GLYR1: variants seen among roughly 807,000 people sequenced by gnomAD.
GLYR1 encodes the protein glyoxylate reductase 1 homolog.
Under a neutral mutation model 72.7 loss-of-function variants are expected in GLYR1, and 21 were observed. The ratio of observed to expected loss-of-function variants is 0.29; its 90% CI spans 0.20 to 0.42. GLYR1 has a LOEUF of 0.42. Ranked by LOEUF, GLYR1 falls within the 10% of genes least tolerant of loss-of-function variation. The probability of loss-of-function intolerance (pLI) is 1.00; values close to 1 mark genes in which losing one functional copy is unlikely to be tolerated. For missense variants in GLYR1, 594 were observed against 712.1 expected (o/e 0.83, Z 1.89); for synonymous variants, 392 against 270.2 (o/e 1.45, Z -4.42).
At chr16:4,834,453 C>T (rs995663705) in intron 3 of GLYR1, among the ~76,000 whole-genome samples, 1 of 151,816 alleles carries the variant, frequency 6.6e-6, no homozygotes, top group Non-Finnish European at 1.5e-5. Context: ...CGTGAGCCAC[C>T]ACACCTGGCC....
chr16:4,823,799 T>G, intron 6 of GLYR1, 22 bp downstream of exon 6: 1 of 1,599,612 alleles, frequency 6.3e-7, no homozygotes, highest in East Asian at 2.2e-5. Context: ...CAGCTTGTCC[T>G]GCCTGCAGGA....
Position 4,804,764 on chromosome 16 carries a change from G to T in GLYR1, c.*472C>A, listed in dbSNP as rs1223260473. Reference sequence around the variant, plus strand: ...TCTCCTTGTAGGGAATCCAGTGGGGGATGGGGACATGACTACAGCCTCTTC... The same window carrying T: ...TCTCCTTGTAGGGAATCCAGTGGGGTATGGGGACATGACTACAGCCTCTTC... On this transcript the variant is annotated 3_prime_UTR_variant, in exon 16 of 16. Coordinates refer to ENST00000321919, the MANE Select transcript of GLYR1 (RefSeq NM_032569.4). 2 of 185,508 alleles carry T rather than the reference G, an allele frequency of 1.1e-5. No individual in the cohort carries two copies. Among genetic ancestry groups the T allele is most frequent in the African/African-American group, 2.3e-5 (1 of 43,274 alleles). 11.5% of individuals were successfully genotyped at this position (185,508 alleles called of 1,614,324 possible).
At chr16:4,820,858 G>A (rs529067042) in intron 9 of GLYR1, among the ~76,000 whole-genome samples, 3 of 152,310 alleles carry the variant, frequency 2.0e-5, no homozygotes, top group South Asian at 2.1e-4. Flanking sequence ...CACCCACACC[G>A]GGCAGGGTGC....
chr16:4,830,507 C>T (rs1445170586), intron 5 of GLYR1, among the ~76,000 whole-genome samples: 2 of 152,192 alleles, frequency 1.3e-5, no homozygotes, highest in African/African-American at 4.8e-5. Context: ...GCCTGGCACC[C>T]GTGCCACTGC....
chr16:4,847,102 C>A (rs111601308), intron 1 of GLYR1, 126 bp downstream of exon 1: 4 of 910,408 alleles, frequency 4.4e-6, no homozygotes, highest in Non-Finnish European at 6.8e-6. Flanking sequence ...AGCGCCGGCA[C>A]CTTCTCTTCC....
rs116127586 is a variant in GLYR1, at chr16:4,807,236, G to A, written c.1588-1926C>T. ...AAGTGATTCTCCTGTCCCAGCCTCCGGAGTAGCTGGCATTAATAGTGCCCG... is the reference window on the plus strand; with the variant it reads ...AAGTGATTCTCCTGTCCCAGCCTCCAGAGTAGCTGGCATTAATAGTGCCCG... On this transcript the variant is annotated intron_variant, in intron 15 of 15. Coordinates refer to ENST00000321919, the MANE Select transcript of GLYR1 (RefSeq NM_032569.4). 8.3e-3 allele frequency among the ~76,000 whole-genome samples: 1,252 copies of A among 150,168 alleles called. 14 individuals carry two copies. The highest frequency in any genetic ancestry group is 0.029 in the African/African-American group (1,169 of 40,718).
chr16:4,829,948 C>T (rs979783787), intron 5 of GLYR1, among the ~76,000 whole-genome samples: 19 of 152,084 alleles, frequency 1.2e-4, no homozygotes, highest in African/African-American at 4.3e-4. Context: ...GCTGGGATTA[C>T]AGGTGTGAGC....
chr16:4,843,795 T>C (rs2085736317), intron 3 of GLYR1: 1 of 367,842 alleles, frequency 2.7e-6, no homozygotes, highest in Non-Finnish European at 4.1e-6. Flanking sequence ...GAAATACAAC[T>C]ACTTAAAGAA....
rs2084973480 is a variant in GLYR1 at position 4,834,187 on chromosome 16, G to A, written c.156-1275C>T. Among the ~76,000 whole-genome samples the A allele has an allele frequency of 3.3e-5, 5 of 152,250 alleles. No homozygotes were observed. In the South Asian group the frequency reaches 1.0e-3, roughly 32 times the overall value. ...GGGATCATCGGCCTGCAGATGTCAG[G>A]CAGCGAACCACTATCAGGCATGCCA... On this transcript the variant is annotated intron_variant, in intron 3 of 15. Coordinates refer to ENST00000321919, the MANE Select transcript of GLYR1 (RefSeq NM_032569.4).
At chr16:4,833,848 T>C (rs2084950715) in intron 3 of GLYR1, among the ~76,000 whole-genome samples, 1 of 152,214 alleles carries the variant, frequency 6.6e-6, no homozygotes, top group Non-Finnish European at 1.5e-5. Context: ...CTGAATGGCA[T>C]GCAGCTTATA....
chr16:4,813,597 G>T lies in GLYR1; in HGVS notation c.1119+140C>A, dbSNP rs781636215. ...GGTTTGAAGGTGGAGCACGGGATAG[G>T]CTAGTCCCAAGGCTACTCGCCTCTC... On this transcript the variant is annotated intron_variant, in intron 12 of 15. Transcript: ENST00000321919. 17 of 726,006 alleles carry T rather than the reference G, an allele frequency of 2.3e-5. No individual in the cohort carries two copies. The Middle Eastern group carries it at 1.1e-3, about 46-fold the overall frequency. 45.0% of individuals were successfully genotyped at this position (726,006 alleles called of 1,614,324 possible). A position where few individuals can be genotyped will look rare whatever the true frequency, so the allele number is the denominator to read the frequency against.
chr16:4,847,189 C>G, intron 1 of GLYR1, 39 bp downstream of exon 1: 1 of 1,575,632 alleles, frequency 6.3e-7, no homozygotes, highest in Non-Finnish European at 8.6e-7. Context: ...GCGGGTAGCT[C>G]CCCGGCGCGT....
intron 9 of GLYR1, chr16:4,821,143 T>G: frequency 3.5e-6 from 2 of 577,576 alleles, no homozygotes; most frequent in Non-Finnish European, 6.2e-6. Flanking sequence ...TGCTCCTTGC[T>G]CTTGAGTTCT....
At chr16:4,821,252 C>A in intron 9 of GLYR1, 128 bp downstream of exon 9, 5 of 891,576 alleles carry the variant, frequency 5.6e-6, no homozygotes, top group Admixed American at 2.0e-5. Flanking sequence ...TTACAACATC[C>A]CCCCACCTTT....
chr16:4,822,018 C>T (rs2084062811), intron 7 of GLYR1, among the ~76,000 whole-genome samples: 1 of 152,250 alleles, frequency 6.6e-6, no homozygotes, highest in Non-Finnish European at 1.5e-5. Flanking sequence ...GTGCTGACAG[C>T]TTACGATGTT....
intron 5 of GLYR1, among the ~76,000 whole-genome samples, chr16:4,824,307 G>A (rs1334862051): frequency 6.6e-6 from 1 of 152,006 alleles, no homozygotes; most frequent in South Asian, 2.1e-4. Context: ...GAGGTCAAGA[G>A]ATCGAGACCA....
intron 3 of GLYR1, among the ~76,000 whole-genome samples, chr16:4,844,273 T>C (rs1278103728): frequency 6.6e-6 from 1 of 152,236 alleles, no homozygotes; most frequent in African/African-American, 2.4e-5. Context: ...GAGTCTCAGA[T>C]TAATGGTCCT....
chr16:4,833,008 G>C, intron 3 of GLYR1, 96 bp from the exon 4 acceptor site: 8 of 1,220,646 alleles, frequency 6.6e-6, no homozygotes, highest in Non-Finnish European at 7.7e-6. Context: ...TATCCATTTG[G>C]TTTAACTGGA....
At chr16:4,833,372 A>C (rs565109239) in intron 3 of GLYR1, among the ~76,000 whole-genome samples, 37 of 152,218 alleles carry the variant, frequency 2.4e-4, no homozygotes, top group Non-Finnish European at 4.0e-4. Context: ...TATGCAGGAA[A>C]ATGCCTGCTG....
Sources: allele counts gnomAD v4.1 joint callset (sites outside exome capture counted in the v4.1 genomes callset), GRCh38; gene constraint gnomAD v4.1.1; transcripts MANE v1.5; gene names NCBI Gene and HGNC (gene_info 2026-07-23, HGNC 2026-07-21).